ESPNL: variants seen among roughly 807,000 people sequenced by gnomAD.
ESPNL encodes the protein espin-like protein.
A neutral mutation model predicts 46.8 loss-of-function variants in ESPNL; 49 were observed. The observed-to-expected ratio is 1.05, with a 90% CI of 0.83 to 1.33. ESPNL has a LOEUF of 1.33. Among genes scored for constraint, ESPNL ranks in the 40% most tolerant of loss-of-function variants. ESPNL has a pLI of 0.00. For synonymous variants in ESPNL, 664 were observed against 662.1 expected, an observed-to-expected ratio of 1.00 and a Z score of -0.04; for missense variants, 1,540 against 1,436.6, an observed-to-expected ratio of 1.07 and a Z score of -1.16.
At chr2:238,100,847 C>T in intron 1 of ESPNL, 134 bp downstream of exon 1, 2 of 715,026 alleles carry the variant, frequency 2.8e-6, no homozygotes, top group Non-Finnish European at 4.1e-6. Flanking sequence ...CTTGGGGACT[C>T]AGTCAGTGGT....
chr2:238,117,556 C>T (rs774350775), intron 5 of ESPNL, among the ~76,000 whole-genome samples: 2 of 152,230 alleles, frequency 1.3e-5, no homozygotes, highest in Non-Finnish European at 2.9e-5. Context: ...GATCGCAAGG[C>T]GGCCAACAGC....
chr2:238,124,363 C>A (rs1692051324), intron 5 of ESPNL, among the ~76,000 whole-genome samples: 1 of 152,184 alleles, frequency 6.6e-6, no homozygotes, highest in East Asian at 1.9e-4. Flanking sequence ...AAGGGCTGCC[C>A]ATGCCCTCGG....
At chr2:238,126,410 ATG>A (rs200647594) in intron 6 of ESPNL, among the ~76,000 whole-genome samples, 118 of 132,304 alleles carry the variant, frequency 8.9e-4, no homozygotes, top group Middle Eastern at 6.8e-3. Context: ...ATGCCTGTGT[ATG>A]TGTGTTTGTG....
Position 238,104,696 on chromosome 2 carries a change from T to C in ESPNL, c.526T>C (p.Tyr176His). 6.2e-7 allele frequency: 1 copy of C among 1,606,442 alleles called. No individual in the cohort carries two copies. Among genetic ancestry groups the C allele is most frequent in the Non-Finnish European group, 8.5e-7 (1 of 1,177,560 alleles). Residue 176 changes from tyrosine (Y) to histidine (H), a missense_variant, in exon 3 of 9, where the codon TAC becomes CAC. Transcript: ENST00000343063. The part of the protein sequence containing the change: ...RRTRSGASPL[Y>H]LACQEGHLHL... Reference sequence around the variant, plus strand: ...GACACGCAGTGGCGCCTCCCCACTCTACCTGGCCTGCCAGGAGGGCCACCT... The same window carrying C: ...GACACGCAGTGGCGCCTCCCCACTCCACCTGGCCTGCCAGGAGGGCCACCT...
intron 5 of ESPNL, among the ~76,000 whole-genome samples, chr2:238,117,808 A>G (rs533959485): frequency 3.4e-4 from 51 of 152,174 alleles, no homozygotes; most frequent in Non-Finnish European, 6.5e-4. Context: ...GAGGGAACAG[A>G]CAGAGGAGGA....
At chr2:238,113,836 C>T (rs1041101756) in intron 4 of ESPNL, among the ~76,000 whole-genome samples, 2 of 152,124 alleles carry the variant, frequency 1.3e-5, no homozygotes, top group Admixed American at 6.5e-5. Flanking sequence ...CCTGAGGCTG[C>T]GGGAGGACGG....
chr2:238,126,573 G>GTC (rs374564013), intron 6 of ESPNL, among the ~76,000 whole-genome samples: 38 of 144,896 alleles, frequency 2.6e-4, no homozygotes, highest in African/African-American at 8.8e-4. Context: ...GTGTTTGTGT[G>GTC]TGTCTGTGAT....
At chr2:238,102,819 TC>T (rs1691514298) in intron 2 of ESPNL, among the ~76,000 whole-genome samples, 1 of 152,136 alleles carries the variant, frequency 6.6e-6, no homozygotes, top group South Asian at 2.1e-4. Context: ...GGGCGAACCT[TC>T]CTGTCCCCCA....
chr2:238,105,612 G>C lies in ESPNL; in HGVS notation c.672+770G>C, dbSNP rs116525380. ...CAGGAGGCGGCCGGACAAGGAGTGGGGCCCAAAGCAACTTCCTGAGGGGGG... is the reference window on the plus strand; with the variant it reads ...CAGGAGGCGGCCGGACAAGGAGTGGCGCCCAAAGCAACTTCCTGAGGGGGG... On this transcript the variant is annotated intron_variant, in intron 3 of 8. Transcript: ENST00000343063. 3.7e-3 allele frequency among the ~76,000 whole-genome samples: 566 copies of C among 152,138 alleles called. 4 individuals are homozygous for C. The highest frequency in any genetic ancestry group is 0.013 in the African/African-American group (544 of 41,508).
intron 5 of ESPNL, among the ~76,000 whole-genome samples, chr2:238,123,738 C>T (rs575133237): frequency 2.0e-5 from 3 of 152,308 alleles, no homozygotes; most frequent in African/African-American, 7.2e-5. Context: ...TGAGGGCCTC[C>T]GGGGCTGGGG....
At chr2:238,128,025 G>A (rs553150377) in intron 7 of ESPNL, among the ~76,000 whole-genome samples, 1 of 152,190 alleles carries the variant, frequency 6.6e-6, no homozygotes, top group African/African-American at 2.4e-5. Flanking sequence ...TGAGCTCAGG[G>A]GTGCTCCGTG....
chr2:238,129,286 T>C (rs752095631), intron 8 of ESPNL: 318 of 1,097,790 alleles, frequency 2.9e-4, no homozygotes, highest in Admixed American at 7.1e-4. Flanking sequence ...AGCAAAGCAG[T>C]TGGGGGACTA....
At chr2:238,106,862 A>C (rs774227735) in intron 3 of ESPNL, among the ~76,000 whole-genome samples, 16 of 152,232 alleles carry the variant, frequency 1.1e-4, no homozygotes, top group Non-Finnish European at 2.2e-4. Flanking sequence ...GCCCCACGGC[A>C]GCCCTGTCCC....
chr2:238,126,119 A>T (rs1692104323), intron 6 of ESPNL, among the ~76,000 whole-genome samples: 1 of 128,928 alleles, frequency 7.8e-6, no homozygotes, highest in Non-Finnish European at 1.6e-5. Context: ...TGTCTCTGTG[A>T]TTGATTGTGT....
intron 7 of ESPNL, among the ~76,000 whole-genome samples, chr2:238,128,273 T>C (rs1692187046): frequency 6.6e-6 from 1 of 152,224 alleles, no homozygotes; most frequent in African/African-American, 2.4e-5. Flanking sequence ...GTGGCGCTGC[T>C]GCCCGTCGTG....
chr2:238,118,622 GTGGATGGAGGAGGA>G (rs1691885326), intron 5 of ESPNL, among the ~76,000 whole-genome samples: 1 of 126,910 alleles, frequency 7.9e-6, no homozygotes, highest in Non-Finnish European at 1.8e-5. Flanking sequence ...ATGGAGGAGG[GTGGATGGAGGAGGA>G]ATGGATGGAG....
chr2:238,116,010 C>T (rs182842676), intron 4 of ESPNL, among the ~76,000 whole-genome samples: 2 of 152,360 alleles, frequency 1.3e-5, no homozygotes, highest in Admixed American at 1.3e-4. Context: ...AATTCAGTGT[C>T]ACCCAAAGAT....
chr2:238,131,785 CTCTTT>C lies in ESPNL; in HGVS notation c.*61_*65del. 1 of 1,525,526 alleles carries C rather than the reference CTCTTT, an allele frequency of 6.6e-7. No homozygotes were observed. Among genetic ancestry groups the C allele is most frequent in the South Asian group, 1.3e-5 (1 of 76,970 alleles). The allele number at this position is 1,525,526 out of a possible 1,614,324, so 94.5% of individuals were successfully genotyped here. A position where few individuals can be genotyped will look rare whatever the true frequency, so the allele number is the denominator to read the frequency against. On this transcript the variant is annotated 3_prime_UTR_variant, in exon 9 of 9. Transcript: ENST00000343063. Reference sequence around the variant, plus strand: ...GTGGTTTGGGGGTGACTTGGAGTTTCTCTTTTCTTTTCCTTGCTCACACCCTTGGT... The same window carrying C: ...GTGGTTTGGGGGTGACTTGGAGTTTCTCTTTTCCTTGCTCACACCCTTGGT...
intron 4 of ESPNL, among the ~76,000 whole-genome samples, chr2:238,110,651 T>C: frequency 8.6e-6 from 1 of 116,502 alleles, no homozygotes; most frequent in African/African-American, 2.9e-5. Context: ...GAGTGTCCCT[T>C]TCCTGTCCCA....
Sources: gnomAD v4.1 joint callset for allele counts (sites outside exome capture counted in the v4.1 genomes callset) on GRCh38, gnomAD v4.1.1 for gene constraint, MANE v1.5 for transcripts, NCBI Gene and HGNC (gene_info 2026-07-23, HGNC 2026-07-21) for gene names.